Variants in EHD2 observed in about 807,000 individuals in gnomAD.
EHD2 encodes EH domain containing 2.
A neutral mutation model predicts 41.0 loss-of-function variants in EHD2; 27 were observed. That is an observed-to-expected ratio of 0.66 (90% CI 0.49 to 0.91). EHD2 has a LOEUF of 0.91. Among genes scored for constraint, EHD2 ranks in the 40% least tolerant of loss-of-function variants. The pLI, the probability that EHD2 is intolerant of heterozygous loss-of-function variation, is 0.00. For synonymous variants in EHD2, 342 were observed against 341.0 expected (o/e 1.00, Z -0.03); for missense variants, 673 against 773.9 (o/e 0.87, Z 1.55).
At position 47,726,092 on chromosome 19, in the gene EHD2, C is replaced by T. The variant is rs1427527500; in HGVS notation, c.783C>T (p.Pro261=). The T allele has an allele frequency of 6.4e-7, 1 of 1,574,524 alleles. No individual in the cohort carries two copies. The highest frequency in any genetic ancestry group is 2.4e-5 in the East Asian group (1 of 42,550). Residue 261 remains proline (P), a synonymous_variant, in exon 4 of 6, where the codon CCC becomes CCT. Coordinates refer to ENST00000263277, the MANE Select transcript of EHD2 (RefSeq NM_014601.4). Reference sequence around the variant, plus strand: ...ACATCGGCTCCTTCTGGTCCCAGCCCCTCCTCGTGCCCGACAACCGGCGCC... The same window carrying T: ...ACATCGGCTCCTTCTGGTCCCAGCCTCTCCTCGTGCCCGACAACCGGCGCC... ...RVYIGSFWSQ[P]LLVPDNRRLF...
intron 5 of EHD2, 92 bp downstream of exon 5, chr19:47,736,625 ATGGATGG>A: frequency 2.9e-6 from 4 of 1,402,894 alleles, no homozygotes; most frequent in Non-Finnish European, 3.8e-6. Flanking sequence ...AGCCAGAGGG[ATGGATGG>A]CAGGTTCTGG....
At chr19:47,728,964 C>A (rs1179336751) in intron 4 of EHD2, among the ~76,000 whole-genome samples, 3 of 151,828 alleles carry the variant, frequency 2.0e-5, no homozygotes, top group African/African-American at 7.3e-5. Flanking sequence ...TGACATTGAA[C>A]AAACAGTTGC....
Position 47,741,411 on chromosome 19 carries a change from C to T in EHD2, c.1611C>T (p.Arg537=). ...PRRLVPPSKR[R]HKGSAE is the part of the protein sequence containing the mutation. ...GCCTGGTGCCACCCTCCAAGCGACG[C>T]CACAAGGGCTCCGCCGAGTGAGCCG... Residue 537 remains arginine (R), a synonymous_variant, in exon 6 of 6, where the codon CGC becomes CGT. Transcript: ENST00000263277. This position sits in a 1 kb window ranked among gnomAD's most constrained non-coding sequence, Gnocchi z 4.5. The T allele has an allele frequency of 6.3e-7, 1 of 1,585,560 alleles. No individual in the cohort carries two copies. Among genetic ancestry groups the T allele is most frequent in the Non-Finnish European group, 8.5e-7 (1 of 1,174,084 alleles).
intron 5 of EHD2, among the ~76,000 whole-genome samples, chr19:47,738,059 T>C (rs1966944303): frequency 6.6e-6 from 1 of 150,620 alleles, no homozygotes; most frequent in South Asian, 2.1e-4. Flanking sequence ...TTTTCATACT[T>C]TTAGTAGAGA....
intron 4 of EHD2, among the ~76,000 whole-genome samples, chr19:47,735,887 G>C (rs1172868835): frequency 1.4e-5 from 2 of 140,016 alleles, no homozygotes; most frequent in African/African-American, 2.7e-5. Context: ...CTGGGCAACA[G>C]AGCGAGACTC....
rs759881757 is a variant in EHD2, at chr19:47,741,015, C to T, written c.1215C>T (p.Thr405=). 14 of 1,610,362 alleles carry T rather than the reference C, an allele frequency of 8.7e-6. No homozygotes were observed. The highest frequency in any genetic ancestry group is 3.3e-4 in the Middle Eastern group (2 of 6,080). Residue 405 remains threonine, a synonymous_variant, in exon 6 of 6, where the codon ACC becomes ACT. Transcript: ENST00000263277. This position sits in a 1 kb window ranked among gnomAD's most constrained non-coding sequence, Gnocchi z 4.5. The stretch of plus-strand genomic sequence containing the variant: ...TGCGGCAGGAGGAGCTGGAGAGCAC[C>T]GAGGTGGGCGTGCAGGGGGGCGCTT... ...PLLRQEELES[T]EVGVQGGAFE...
intron 5 of EHD2, among the ~76,000 whole-genome samples, chr19:47,740,134 G>A (rs1307069095): frequency 1.3e-5 from 2 of 152,170 alleles, no homozygotes; most frequent in Non-Finnish European, 1.5e-5. Flanking sequence ...AGGAGGTTGC[G>A]GTGGGAGGAT....
At chr19:47,728,589 G>A (rs1973776898) in intron 4 of EHD2, among the ~76,000 whole-genome samples, 2 of 115,064 alleles carry the variant, frequency 1.7e-5, no homozygotes, top group Non-Finnish European at 3.4e-5. Flanking sequence ...TTTTTTTTGA[G>A]ACAGGGTCTC....
chr19:47,717,587 T>C (rs976197023), intron 2 of EHD2, among the ~76,000 whole-genome samples: 7 of 152,142 alleles, frequency 4.6e-5, no homozygotes, highest in African/African-American at 1.4e-4. Flanking sequence ...CTGCCCTTCT[T>C]GTAGCCTCAT....
At chr19:47,715,490 G>A (rs995315412) in intron 1 of EHD2, among the ~76,000 whole-genome samples, 10 of 152,176 alleles carry the variant, frequency 6.6e-5, no homozygotes, top group African/African-American at 2.4e-4. Flanking sequence ...TGTCTGGCAT[G>A]TGTCTGGGTC....
At position 47,716,599 on chromosome 19, in the gene EHD2, G is replaced by T. The variant is rs764409449; in HGVS notation, c.-14G>T. ...ACGTCTCTCCGTGAACCCCGTGAGCGGTGTGCAGCCACCATGTTCAGCTGG... is the reference window on the plus strand; with the variant it reads ...ACGTCTCTCCGTGAACCCCGTGAGCTGTGTGCAGCCACCATGTTCAGCTGG... On this transcript the variant is annotated 5_prime_UTR_variant, in exon 2 of 6. Transcript: ENST00000263277. 1 of 1,499,740 alleles carries T rather than the reference G, an allele frequency of 6.7e-7. No homozygotes were observed. Among genetic ancestry groups the T allele is most frequent in the Non-Finnish European group, 8.9e-7 (1 of 1,126,132 alleles). 92.9% of individuals were successfully genotyped at this position (1,499,740 alleles called of 1,614,324 possible). A position where few individuals can be genotyped will look rare whatever the true frequency, so the allele number is the denominator to read the frequency against.
At chr19:47,724,710 C>T (rs1488629034) in intron 3 of EHD2, among the ~76,000 whole-genome samples, 2 of 152,076 alleles carry the variant, frequency 1.3e-5, no homozygotes, top group Non-Finnish European at 2.9e-5. Context: ...CCCAGGCTCC[C>T]AGGACAGGGC....
At chr19:47,714,341 A>G (rs1338681336) in intron 1 of EHD2, among the ~76,000 whole-genome samples, 2 of 152,138 alleles carry the variant, frequency 1.3e-5, no homozygotes, top group Non-Finnish European at 2.9e-5. Flanking sequence ...GGGGAATGGT[A>G]TTTAGAGACT....
chr19:47,739,239 T>G (rs1966958181), intron 5 of EHD2, among the ~76,000 whole-genome samples: 1 of 150,428 alleles, frequency 6.6e-6, no homozygotes, highest in Non-Finnish European at 1.5e-5. Flanking sequence ...TAGTTGGGAC[T>G]GCAGGCGTGC....
rs1197598137 is a variant in EHD2 at position 47,725,435 on chromosome 19, G to T, written c.503-377G>T. 2.0e-5 allele frequency among the ~76,000 whole-genome samples: 3 copies of T among 150,838 alleles called. No homozygotes were observed. The East Asian group carries it at 5.8e-4, about 29-fold the overall frequency. Reference sequence around the variant, plus strand: ...AAAAAAAAAATTAGCCAGGTGTGGTGATGCGCGCCTGCAGTCCCAGCTACT... The same window carrying T: ...AAAAAAAAAATTAGCCAGGTGTGGTTATGCGCGCCTGCAGTCCCAGCTACT... On this transcript the variant is annotated intron_variant, in intron 3 of 5. Transcript: ENST00000263277.
At chr19:47,728,926 G>T (rs1403457398) in intron 4 of EHD2, among the ~76,000 whole-genome samples, 1 of 150,956 alleles carries the variant, frequency 6.6e-6, no homozygotes, top group Non-Finnish European at 1.5e-5. Context: ...GAACAGAATT[G>T]GTGCTCTGTA....
At position 47,741,847 on chromosome 19, in the gene EHD2, G is replaced by A. The variant is rs990587688; in HGVS notation, c.*415G>A. On this transcript the variant is annotated 3_prime_UTR_variant, in exon 6 of 6. Transcript: ENST00000263277. The surrounding 1 kb of genome is among the most constrained non-coding windows in gnomAD (Gnocchi z 4.5). ...GTTCCCAGGAGAGGGCACCTACACA[G>A]TCACGCAAACACACACTAATTCCTG... The A allele has an allele frequency of 1.7e-5, 8 of 465,058 alleles. No homozygotes were observed. Among genetic ancestry groups the A allele is most frequent in the Admixed American group, 7.0e-5 (3 of 42,774 alleles). 28.8% of individuals were successfully genotyped at this position (465,058 alleles called of 1,614,324 possible).
At chr19:47,723,851 A>G (rs971664890) in intron 3 of EHD2, among the ~76,000 whole-genome samples, 1 of 151,286 alleles carries the variant, frequency 6.6e-6, no homozygotes, top group African/African-American at 2.4e-5. Context: ...ATAATTTTTT[A>G]TTTTATTTTT....
Position 47,741,528 on chromosome 19 carries a change from C to G in EHD2, c.*96C>G. On this transcript the variant is annotated 3_prime_UTR_variant, in exon 6 of 6. Transcript: ENST00000263277. This position sits in a 1 kb window ranked among gnomAD's most constrained non-coding sequence, Gnocchi z 4.5. ...GCTCACACACGCCCTGCCTGCCCTC[C>G]CTGCCCAGCTGTAAGGACCGGGGGT... 1 of 1,387,480 alleles carries G rather than the reference C, an allele frequency of 7.2e-7. No individual in the cohort carries two copies. Among genetic ancestry groups the G allele is most frequent in the South Asian group, 1.3e-5 (1 of 75,024 alleles). 85.9% of individuals were successfully genotyped at this position (1,387,480 alleles called of 1,614,324 possible).
Sources: gnomAD v4.1 joint callset for allele counts (sites outside exome capture counted in the v4.1 genomes callset) on GRCh38, gnomAD v4.1.1 for gene constraint, Gnocchi (gnomAD v3.1) non-coding constraint, MANE v1.5 for transcripts, NCBI Gene and HGNC (gene_info 2026-07-23, HGNC 2026-07-21) for gene names.